Variants in TMC1 observed in about 807,000 individuals in gnomAD.
TMC1 encodes transmembrane channel-like protein 1.
TMC1 carries 84 observed loss-of-function variants against 105.8 expected under a neutral mutation model. That is an observed-to-expected ratio of 0.79 (90% CI 0.67 to 0.95). TMC1 has a LOEUF of 0.95. Ranked by LOEUF, TMC1 falls within the 40% of genes least tolerant of loss-of-function variation. The pLI, the probability that TMC1 is intolerant of heterozygous loss-of-function variation, is 0.00. For missense variants in TMC1, 817 were observed against 914.1 expected (o/e 0.89, Z 1.37); for synonymous variants, 315 against 311.5 (o/e 1.01, Z -0.12).
At chr9:72,640,694 G>A (rs1242117159) in intron 4 of TMC1, among the ~76,000 whole-genome samples, 6 of 151,322 alleles carry the variant, frequency 4.0e-5, no homozygotes, top group South Asian at 2.1e-4. Flanking sequence ...GTGCAGTGGC[G>A]CGACCTCGGC....
At chr9:72,675,583 C>T (rs761969216) in intron 5 of TMC1, among the ~76,000 whole-genome samples, 3 of 152,098 alleles carry the variant, frequency 2.0e-5, no homozygotes, top group African/African-American at 7.2e-5. Flanking sequence ...GATCTCAAAC[C>T]ATTGTCCTTC....
At chr9:72,640,326 C>G (rs113305993) in intron 4 of TMC1, among the ~76,000 whole-genome samples, 3 of 152,126 alleles carry the variant, frequency 2.0e-5, no homozygotes, top group African/African-American at 7.2e-5. Context: ...ATTTTATGGT[C>G]GCCAATCCTT....
intron 20 of TMC1, 23 bp downstream of exon 20, chr9:72,821,104 C>T (rs1446197942): frequency 2.5e-6 from 4 of 1,613,970 alleles, no homozygotes; most frequent in Non-Finnish European, 2.5e-6. Context: ...TGAAATTTGA[C>T]TCAGGCATCG....
chr9:72,820,836 T>C lies in TMC1; in HGVS notation c.1764-6T>C. On this transcript the variant is annotated splice_polypyrimidine_tract_variant and splice_region_variant and intron_variant, in intron 19 of 23. Transcript: ENST00000297784. ...AAAACTGAGCAGAGTTCTGTTTTCT[T>C]TCTAGGATGGGCTCCTTCTTTGCTC... is the stretch of plus-strand genomic sequence containing the variant. The C allele has an allele frequency of 6.2e-7, 1 of 1,614,034 alleles. No individual in the cohort carries two copies. Among genetic ancestry groups the C allele is most frequent in the Non-Finnish European group, 8.5e-7 (1 of 1,180,022 alleles).
In TMC1 at chr9:72,821,088, T is replaced by C; in HGVS notation, c.2003+7T>C. The C allele has an allele frequency of 3.1e-6, 5 of 1,614,210 alleles. No individual in the cohort carries two copies. In the South Asian group the frequency reaches 5.5e-5, roughly 18 times the overall value. On this transcript the variant is annotated splice_region_variant and intron_variant, in intron 20 of 23. Coordinates refer to ENST00000297784, the MANE Select transcript of TMC1 (RefSeq NM_138691.3). ...TTGATTGTGGTCCATTCAGGTCTCT[T>C]GCTTTTGAAATTTGACTCAGGCATC...
At chr9:72,647,292 A>C (rs1375163584) in intron 4 of TMC1, among the ~76,000 whole-genome samples, 1 of 151,002 alleles carries the variant, frequency 6.6e-6, no homozygotes, top group East Asian at 1.9e-4. Flanking sequence ...TTCTTTTTTA[A>C]TTGTCTTCAG....
At chr9:72,546,110 C>G (rs1448474649) in intron 1 of TMC1, among the ~76,000 whole-genome samples, 2 of 151,188 alleles carry the variant, frequency 1.3e-5, no homozygotes, top group African/African-American at 2.4e-5. Context: ...TGGTGACACC[C>G]CAGCTCTACT....
chr9:72,805,165 AC>A (rs1282895335), intron 17 of TMC1: 5 of 402,234 alleles, frequency 1.2e-5, no homozygotes, highest in Non-Finnish European at 2.2e-5. Flanking sequence ...TAAGAAGAAA[AC>A]TTTTGATTTA....
intron 13 of TMC1, among the ~76,000 whole-genome samples, chr9:72,773,342 T>G (rs1401845568): frequency 6.6e-6 from 1 of 152,090 alleles, no homozygotes; most frequent in East Asian, 1.9e-4. Context: ...GCTTTTCCCC[T>G]CATTGTAGGA....
At chr9:72,754,933 A>G in intron 12 of TMC1, 49 bp downstream of exon 12, 2 of 1,474,376 alleles carry the variant, frequency 1.4e-6, no homozygotes, top group Non-Finnish European at 1.9e-6. Flanking sequence ...ATTTTTATTT[A>G]GTTTATTTTA....
rs553668998 is a variant in TMC1 at position 72,619,914 on chromosome 9, A to C, written c.-196+3437A>C. Among the ~76,000 whole-genome samples the C allele has an allele frequency of 7.3e-5, 11 of 151,278 alleles. No individual in the cohort carries two copies. The South Asian group carries it at 2.1e-3, about 29-fold the overall frequency. On this transcript the variant is annotated intron_variant, in intron 3 of 23. Transcript: ENST00000297784. Reference sequence around the variant, plus strand: ...CAGTGGTGTGATCTCGGCTCACTGCAACCTCCACCTCCTGGGTTCAAGTGA... The same window carrying C: ...CAGTGGTGTGATCTCGGCTCACTGCCACCTCCACCTCCTGGGTTCAAGTGA...
intron 4 of TMC1, among the ~76,000 whole-genome samples, chr9:72,641,012 A>T (rs1466796926): frequency 6.6e-6 from 1 of 152,188 alleles, no homozygotes; most frequent in Non-Finnish European, 1.5e-5. Context: ...GACAATATGG[A>T]CTAGATATAT....
chr9:72,540,733 T>C (rs531480437), intron 1 of TMC1, among the ~76,000 whole-genome samples: 24 of 152,276 alleles, frequency 1.6e-4, no homozygotes, highest in African/African-American at 5.5e-4. Flanking sequence ...GGAGAGCTCA[T>C]GCAAGTGGCC....
intron 4 of TMC1, among the ~76,000 whole-genome samples, chr9:72,633,226 T>C (rs1825478315): frequency 6.6e-6 from 1 of 152,220 alleles, no homozygotes; most frequent in Non-Finnish European, 1.5e-5. Context: ...GCCCTACCTT[T>C]TCTGCTTTCT....
At position 72,836,659 on chromosome 9, in the gene TMC1, A is replaced by G. The variant is rs866871839; in HGVS notation, c.*686A>G. On this transcript the variant is annotated 3_prime_UTR_variant, in exon 24 of 24. Coordinates refer to ENST00000297784, the MANE Select transcript of TMC1 (RefSeq NM_138691.3). ...TGAAGATCTCTTACTTTGAGAAGGT[A>G]CATGAGTCTTACACAACCTAGCTTT... The G allele has an allele frequency of 2.0e-5, 3 of 152,238 alleles. No individual in the cohort carries two copies. The highest frequency in any genetic ancestry group is 1.3e-4 in the Admixed American group (2 of 15,274). 9.4% of individuals were successfully genotyped at this position (152,238 alleles called of 1,614,324 possible).
Position 72,614,442 on chromosome 9 carries a change from TA to T in TMC1, c.-305-1923del, listed in dbSNP as rs1167983398. On this transcript the variant is annotated intron_variant, in intron 2 of 23. Transcript: ENST00000297784. ...TGCTGTTAGTTAAATGTGGTGATGT[TA>T]AAGCAATGTCTATACACTGGCAAAA... Among the ~76,000 whole-genome samples, 2 of 152,170 alleles carry T rather than the reference TA, an allele frequency of 1.3e-5. 1 individual carries two copies. Among genetic ancestry groups the T allele is most frequent in the Non-Finnish European group, 2.9e-5 (2 of 68,022 alleles).
intron 2 of TMC1, among the ~76,000 whole-genome samples, chr9:72,583,731 G>C (rs954042381): frequency 2.0e-5 from 3 of 152,174 alleles, no homozygotes; most frequent in African/African-American, 7.2e-5. Flanking sequence ...GGCTATGTAA[G>C]ACATTATGGC....
At chr9:72,806,417 T>C (rs558337689) in intron 18 of TMC1, among the ~76,000 whole-genome samples, 1 of 149,358 alleles carries the variant, frequency 6.7e-6, no homozygotes, top group East Asian at 2.1e-4. Flanking sequence ...CCCACCTCCC[T>C]CCCGGACGGG....
chr9:72,703,441 G>A (rs1040741560), intron 8 of TMC1, among the ~76,000 whole-genome samples: 1 of 152,156 alleles, frequency 6.6e-6, no homozygotes, highest in Admixed American at 6.5e-5. Context: ...TCTTTTAAAA[G>A]TGGGAGTAAA....
Sources: gnomAD v4.1 joint callset for allele counts (sites outside exome capture counted in the v4.1 genomes callset) on GRCh38, gnomAD v4.1.1 for gene constraint, MANE v1.5 for transcripts, NCBI Gene and HGNC (gene_info 2026-07-23, HGNC 2026-07-21) for gene names.